Variants in DST observed in about 807,000 individuals in gnomAD.
DST encodes dystonin.
Under a neutral mutation model 875.2 loss-of-function variants are expected in DST, and 253 were observed. That is an observed-to-expected ratio of 0.29 (90% CI 0.26 to 0.32). The LOEUF (loss-of-function observed/expected upper bound fraction) is 0.32. DST is among the 10% of genes least tolerant of loss of function. The pLI is 1.00. For missense variants in DST, 8,287 were observed against 9,111.6 expected (o/e 0.91, Z 3.68); for synonymous variants, 3,124 against 3,197.1 (o/e 0.98, Z 0.77).
intron 4 of DST, among the ~76,000 whole-genome samples, chr6:56,759,773 T>C (rs2099613067): frequency 6.6e-6 from 1 of 152,108 alleles, no homozygotes; most frequent in Admixed American, 6.6e-5. Context: ...CGCGTGTGAA[T>C]CTGACTGGAT....
rs934777544 is a variant in DST at position 56,954,638 on chromosome 6, A to C, written c.-51T>G. On this transcript the variant is annotated 5_prime_UTR_variant, in exon 1 of 104. Coordinates refer to ENST00000680361, the MANE Select transcript of DST (RefSeq NM_001374736.1). ...GACGGCGGGGCTGGAGGGCGGCGGC[A>C]CAGGCACCCGCGCTGGGCGCACGCC... is the stretch of plus-strand genomic sequence containing the variant. 1 of 1,233,470 alleles carries C rather than the reference A, an allele frequency of 8.1e-7. No individual in the cohort carries two copies. The highest frequency in any genetic ancestry group is 1.6e-5 in the African/African-American group (1 of 62,140). The allele number at this position is 1,233,470 out of a possible 1,614,324, so 76.4% of individuals were successfully genotyped here.
rs2153055722 is a variant in DST, at chr6:56,827,151, T to C, written c.625+24246A>G. Among the ~76,000 whole-genome samples the C allele has an allele frequency of 5.3e-5, 8 of 152,330 alleles. No individual in the cohort carries two copies. In the South Asian group the frequency reaches 1.7e-3, roughly 32 times the overall value. ...AACGACCAACTTATAACACATTTTC[T>C]CTTAAAAATGCTGTTTAAGTAAAGG... On this transcript the variant is annotated intron_variant, in intron 4 of 103. Coordinates refer to ENST00000680361, the MANE Select transcript of DST (RefSeq NM_001374736.1).
rs113795914 is a variant in DST at position 56,724,224 on chromosome 6, G to A, written c.687+11004C>T. 4.8e-3 allele frequency among the ~76,000 whole-genome samples: 736 copies of A among 152,266 alleles called. 5 individuals carry two copies. Among genetic ancestry groups the A allele is most frequent in the African/African-American group, 0.017 (705 of 41,542 alleles). On this transcript the variant is annotated intron_variant, in intron 5 of 103. Transcript: ENST00000680361. ...ACATTTGGGAACAATAACAAACTATGAGGTAAAAGAAAGGATAATATTAAA... is the reference window on the plus strand; with the variant it reads ...ACATTTGGGAACAATAACAAACTATAAGGTAAAAGAAAGGATAATATTAAA...
chr6:56,692,470 T>A, intron 9 of DST: 1 of 1,289,704 alleles, frequency 7.8e-7, no homozygotes, highest in Non-Finnish European at 1.0e-6. Context: ...CTGAAAATGC[T>A]GTGTTGCATG....
At chr6:56,524,051 T>C (rs1169055823) in intron 69 of DST, among the ~76,000 whole-genome samples, 1 of 152,178 alleles carries the variant, frequency 6.6e-6, no homozygotes, top group African/African-American at 2.4e-5. Flanking sequence ...CACTCCTTTT[T>C]ATATTTCATG....
At position 56,936,510 on chromosome 6, in the gene DST, C is replaced by T. The variant is rs72881062; in HGVS notation, c.216+17275G>A. 9.2e-3 allele frequency among the ~76,000 whole-genome samples: 1,393 copies of T among 152,208 alleles called. 17 individuals are homozygous for T. The highest frequency in any genetic ancestry group is 0.016 in the Non-Finnish European group (1,075 of 68,028). On this transcript the variant is annotated intron_variant, in intron 2 of 103. Coordinates refer to ENST00000680361, the MANE Select transcript of DST (RefSeq NM_001374736.1). ...GAAAAAGTGCCCTAATTCTGGGTAG[C>T]GAGGTGAGAAGGACAATTCTTAAGA...
rs1185842472 is a variant in DST, at chr6:56,606,266, T to C, written c.8362A>G (p.Met2788Val). 5 of 1,577,348 alleles carry C rather than the reference T, an allele frequency of 3.2e-6. No homozygotes were observed. In the Admixed American group the frequency reaches 5.6e-5, roughly 18 times the overall value. The change falls in exon 40 of 104, where the codon ATG becomes GTG. Residue 2788 changes from methionine (M) to valine (V), a missense_variant. Transcript: ENST00000680361. ...TCCCCATAACTTTCTTCACTTTGCA[T>C]AGAATCTAAATGATCAGTATCGGAG... The part of the protein sequence containing the change: ...FHSDTDHLDS[M>V]QSEESYGDYI...
In DST at chr6:56,624,719, C is replaced by T; in HGVS notation, c.4831-91G>A. 3.6e-6 allele frequency: 3 copies of T among 827,750 alleles called. No individual in the cohort carries two copies. In the South Asian group the frequency reaches 4.3e-5, roughly 12 times the overall value. 51.3% of individuals were successfully genotyped at this position (827,750 alleles called of 1,614,324 possible). ...TTGAATAATAATTACATTAACTAGG[C>T]CTTCAGACAGCAAAGCACACAACTC... On this transcript the variant is annotated intron_variant, in intron 35 of 103. Transcript: ENST00000680361.
At chr6:56,577,049 T>G (rs760974101) in intron 50 of DST, among the ~76,000 whole-genome samples, 2 of 152,228 alleles carry the variant, frequency 1.3e-5, no homozygotes, top group Non-Finnish European at 2.9e-5. Context: ...AAAAATCTAC[T>G]GTAAGAATGT....
chr6:56,608,754 T>C lies in DST; in HGVS notation c.5874A>G (p.Arg1958=), dbSNP rs1458603742. ...LLPVRPQEGG[R]ITLKCGRNIS... is the part of the protein sequence containing the mutation. The stretch of plus-strand genomic sequence containing the variant: ...TGTTTCTTCCACATTTTAATGTTAT[T>C]CTACCTCCTTCTTGTGGTCTCACAG... Residue 1958 remains arginine, a synonymous_variant, in exon 40 of 104, where the codon AGA becomes AGG. Coordinates refer to ENST00000680361, the MANE Select transcript of DST (RefSeq NM_001374736.1). The C allele has an allele frequency of 6.2e-7, 1 of 1,609,152 alleles. No homozygotes were observed. The highest frequency in any genetic ancestry group is 1.1e-5 in the South Asian group (1 of 90,376).
In DST at chr6:56,601,428, C is replaced by A. The variant is rs749728755; in HGVS notation, c.11541+15G>T. On this transcript the variant is annotated intron_variant, in intron 44 of 103. Coordinates refer to ENST00000680361, the MANE Select transcript of DST (RefSeq NM_001374736.1). The stretch of plus-strand genomic sequence containing the variant: ...CTAAAAACAATGAATGCCAACTCCA[C>A]GAAGAAAGGCAAACCTTCTGATCAT... The A allele has an allele frequency of 9.8e-6, 15 of 1,537,070 alleles. No individual in the cohort carries two copies. The highest frequency in any genetic ancestry group is 1.2e-5 in the Non-Finnish European group (14 of 1,128,354).
In DST at chr6:56,816,032, C is replaced by T. The variant is rs9475733; in HGVS notation, c.625+35365G>A. 5.0e-3 allele frequency among the ~76,000 whole-genome samples: 758 copies of T among 152,198 alleles called. 6 individuals carry two copies. Among genetic ancestry groups the T allele is most frequent in the African/African-American group, 0.018 (732 of 41,520 alleles). On this transcript the variant is annotated intron_variant, in intron 4 of 103. Coordinates refer to ENST00000680361, the MANE Select transcript of DST (RefSeq NM_001374736.1). ...AATTTATCTACTTTTCTTTCTTCCT[C>T]CACTCTCCGTGAGATTTTAGGGTTC...
Position 56,460,188 on chromosome 6 carries a change from C to A in DST, c.23137G>T (p.Gly7713Trp). The change falls in exon 103 of 104, where the codon GGG becomes TGG. Residue 7713 changes from glycine (G) to tryptophan (W), a missense_variant. This residue lies in a region of DST where 240 missense variants were observed against 237.3 expected (regional missense o/e 1.01). Transcript: ENST00000680361. Reference sequence around the variant, plus strand: ...GTTGTTATCAAGCCACTGTCCTCCCCAGAGTGGAAGCCTTTCCCTGATAAA... The same window carrying A: ...GTTGTTATCAAGCCACTGTCCTCCCAAGAGTGGAAGCCTTTCCCTGATAAA... ...GYLSGKGFHS[G>W]EDSGLITTAA... 6.2e-7 allele frequency: 1 copy of A among 1,614,006 alleles called. No homozygotes were observed. The highest frequency in any genetic ancestry group is 1.1e-5 in the South Asian group (1 of 91,074).
intron 5 of DST, among the ~76,000 whole-genome samples, chr6:56,734,063 T>C (rs1390989492): frequency 6.6e-6 from 1 of 152,168 alleles, no homozygotes; most frequent in Admixed American, 6.5e-5. Flanking sequence ...AAGGAAGAGA[T>C]CCTCTCCCAT....
At position 56,692,357 on chromosome 6, in the gene DST, T is replaced by C. The variant is rs369932575; in HGVS notation, c.1047+7296A>G. On this transcript the variant is annotated intron_variant, in intron 9 of 103. Coordinates refer to ENST00000680361, the MANE Select transcript of DST (RefSeq NM_001374736.1). Reference sequence around the variant, plus strand: ...GATGTGAGCACCTGGAACACTTATTTACTTGAACTCAGACTCCACATTTCA... The same window carrying C: ...GATGTGAGCACCTGGAACACTTATTCACTTGAACTCAGACTCCACATTTCA... The C allele has an allele frequency of 1.6e-5, 18 of 1,155,542 alleles. No homozygotes were observed. The East Asian group carries it at 1.7e-4, about 11-fold the overall frequency. 71.6% of individuals were successfully genotyped at this position (1,155,542 alleles called of 1,614,324 possible).
intron 86 of DST, among the ~76,000 whole-genome samples, chr6:56,488,277 G>C (rs2095628755): frequency 6.6e-6 from 1 of 152,142 alleles, no homozygotes; most frequent in Admixed American, 6.5e-5. Flanking sequence ...CTTTAAAAAG[G>C]TAGATATTCT....
At chr6:56,732,784 C>T (rs2099507069) in intron 5 of DST, among the ~76,000 whole-genome samples, 1 of 152,150 alleles carries the variant, frequency 6.6e-6, no homozygotes, top group South Asian at 2.1e-4. Context: ...GTAAACACAA[C>T]CCCACATCCA....
chr6:56,748,791 T>C (rs2099579485), intron 4 of DST, among the ~76,000 whole-genome samples: 1 of 152,192 alleles, frequency 6.6e-6, no homozygotes, highest in African/African-American at 2.4e-5. Flanking sequence ...CCGGATATTC[T>C]AATACCTTTT....
At chr6:56,720,946 C>T (rs2099412623) in intron 5 of DST, among the ~76,000 whole-genome samples, 1 of 152,044 alleles carries the variant, frequency 6.6e-6, no homozygotes, top group Non-Finnish European at 1.5e-5. Context: ...GAGGGGCCCC[C>T]CACCCCCCAG....
Sources: allele counts gnomAD v4.1 joint callset (sites outside exome capture counted in the v4.1 genomes callset), GRCh38; gene constraint gnomAD v4.1.1; regional missense constraint gnomAD v4.1.1; transcripts MANE v1.5; gene names NCBI Gene and HGNC (gene_info 2026-07-23, HGNC 2026-07-21).